The following COL6A5 variants were observed in gnomAD, a reference collection of about 807,000 sequenced individuals.
COL6A5 encodes collagen type VI alpha 5 chain, also known as collagen alpha-5(VI) chain.
COL6A5 carries 48 observed loss-of-function variants against 65.6 expected under a neutral mutation model. That is an observed-to-expected ratio of 0.73 (90% CI 0.58 to 0.93). The LOEUF is 0.93. COL6A5 is among the 40% of genes least tolerant of loss of function. The pLI is 0.00. For missense variants in COL6A5, 914 were observed against 928.3 expected (o/e 0.98, Z 0.20); for synonymous variants, 291 against 322.8 (o/e 0.90, Z 1.05).
At chr3:130,416,876 T>C in intron 24 of COL6A5, 57 bp downstream of exon 24, 1 of 888,030 alleles carries the variant, frequency 1.1e-6, no homozygotes, top group South Asian at 1.7e-5. Flanking sequence ...ATTTAATGGA[T>C]AATTAATAAT....
chr3:130,362,801 C>G (rs1339774169), intron 1 of COL6A5, among the ~76,000 whole-genome samples: 1 of 152,142 alleles, frequency 6.6e-6, no homozygotes, highest in Non-Finnish European at 1.5e-5. Flanking sequence ...CTGATAACTT[C>G]CCTGGCTCTG....
intron 28 of COL6A5, among the ~76,000 whole-genome samples, 200 bp from the exon 29 acceptor site, chr3:130,423,638 G>A (rs1937552920): frequency 1.3e-5 from 2 of 152,142 alleles, no homozygotes; most frequent in South Asian, 2.1e-4. Context: ...ATGTCACAAA[G>A]AGGCTAGGAG....
At chr3:130,433,230 A>T (rs975994481) in intron 1 of COL6A5, among the ~76,000 whole-genome samples, 1 of 152,060 alleles carries the variant, frequency 6.6e-6, no homozygotes, top group Non-Finnish European at 1.5e-5. Context: ...TGCCTCCTTA[A>T]TTTTTCTCTC....
intron 4 of COL6A5, among the ~76,000 whole-genome samples, chr3:130,383,099 T>C (rs1311292953): frequency 2.0e-5 from 3 of 152,080 alleles, no homozygotes; most frequent in African/African-American, 7.2e-5. Flanking sequence ...TATATGTATC[T>C]GTATATATGA....
At chr3:130,367,822 G>T (rs976679074) in intron 1 of COL6A5, among the ~76,000 whole-genome samples, 10 of 152,330 alleles carry the variant, frequency 6.6e-5, no homozygotes, top group African/African-American at 1.7e-4. Context: ...TCATGAGTCG[G>T]ATTTGGTCAG....
intron 5 of COL6A5, among the ~76,000 whole-genome samples, chr3:130,463,385 A>G (rs549226914): frequency 3.9e-5 from 6 of 152,194 alleles, no homozygotes; most frequent in African/African-American, 1.4e-4. Flanking sequence ...AATGCCATGA[A>G]AGGCAGCATA....
At chr3:130,376,268 T>G (rs749769145) in exon 3 of COL6A5, 1 of 1,609,744 alleles carries the variant, frequency 6.2e-7, no homozygotes, top group Non-Finnish European at 8.5e-7. Context: ...ATGTCGTGTT[T>G]CTGGTGGACA....
chr3:130,401,906 G>A, intron 12 of COL6A5, 52 bp downstream of exon 12: 1 of 1,318,806 alleles, frequency 7.6e-7, no homozygotes, highest in Non-Finnish European at 1.1e-6. Context: ...ATTTGGTACA[G>A]GTGGGACTGA....
At chr3:130,471,851 G>A (rs1404988314) in intron 7 of COL6A5, 3 of 1,521,604 alleles carry the variant, frequency 2.0e-6, no homozygotes, top group South Asian at 2.4e-5. Context: ...TGAGAAACTG[G>A]CAATGAAAGA....
intron 2 of COL6A5, 150 bp downstream of exon 2, chr3:130,373,855 T>C (rs1237646176): frequency 1.8e-5 from 11 of 609,102 alleles, no homozygotes; most frequent in Non-Finnish European, 2.9e-5. Context: ...ACTTAACTTG[T>C]GAAAGACAGC....
chr3:130,376,365 A>G lies in COL6A5; in HGVS notation c.196A>G (p.Lys66Glu), dbSNP rs1168984737. 4 of 1,613,754 alleles carry G rather than the reference A, an allele frequency of 2.5e-6. No individual in the cohort carries two copies. In the South Asian group the frequency reaches 4.4e-5, roughly 18 times the overall value. The stretch of plus-strand genomic sequence containing the variant: ...CAACAGTCTCCCCATAGAGGCCAAC[A>G]AATACCGTGTAGCCCTGGCCCAGTA... Residue 66 changes from lysine to glutamate, a missense_variant and NMD_transcript_variant, in exon 3 of 42, where the codon AAA becomes GAA. Lys to Glu is a moderately conservative substitution (Grantham distance 56). Transcript: ENST00000312481.
At chr3:130,467,798 A>T (rs1709852825) in intron 5 of COL6A5, among the ~76,000 whole-genome samples, 1 of 152,088 alleles carries the variant, frequency 6.6e-6, no homozygotes, top group Non-Finnish European at 1.5e-5. Flanking sequence ...AGTATCTAAT[A>T]AAGGGTTGAG....
intron 7 of COL6A5, among the ~76,000 whole-genome samples, chr3:130,392,387 G>A (rs931859758): frequency 7.9e-5 from 12 of 152,158 alleles, no homozygotes; most frequent in South Asian, 4.1e-4. Context: ...GGGTTGGTAG[G>A]CTGGAGACAT....
intron 7 of COL6A5, among the ~76,000 whole-genome samples, chr3:130,472,356 A>G (rs1709973278): frequency 6.6e-6 from 1 of 152,020 alleles, no homozygotes; most frequent in South Asian, 2.1e-4. Flanking sequence ...GCTGAGCCTC[A>G]GCCTCAGTGG....
exon 3 of COL6A5, chr3:130,376,408 G>C (rs1375745321): frequency 6.2e-7 from 1 of 1,613,520 alleles, no homozygotes. Context: ...GAGTTTCACA[G>C]TGAATTCCAT....
At chr3:130,451,291 G>C (rs142331153) in intron 4 of COL6A5, among the ~76,000 whole-genome samples, 1 of 152,160 alleles carries the variant, frequency 6.6e-6, no homozygotes, top group African/African-American at 2.4e-5. Flanking sequence ...TGGAGTTGGC[G>C]TAGAAGTGAC....
chr3:130,456,779 G>A (rs539198988), intron 5 of COL6A5, among the ~76,000 whole-genome samples: 1 of 152,114 alleles, frequency 6.6e-6, no homozygotes, highest in African/African-American at 2.4e-5. Context: ...AGAAAAAGGG[G>A]CCAGTTTTGT....
intron 5 of COL6A5, among the ~76,000 whole-genome samples, chr3:130,387,900 A>G (rs1232613129): frequency 2.0e-5 from 3 of 151,940 alleles, no homozygotes; most frequent in Non-Finnish European, 1.5e-5. Flanking sequence ...TATATTATAC[A>G]TAGAACAATG....
chr3:130,387,932 A>ATGTG (rs1189577456), intron 5 of COL6A5, among the ~76,000 whole-genome samples: 22 of 151,910 alleles, frequency 1.4e-4, no homozygotes, highest in African/African-American at 4.1e-4. Flanking sequence ...GTGTGTATAT[A>ATGTG]TATGTATATA....
Sources: gnomAD v4.1 joint callset for allele counts (sites outside exome capture counted in the v4.1 genomes callset) on GRCh38, gnomAD v4.1.1 for gene constraint, MANE v1.5 for transcripts, NCBI Gene and HGNC (gene_info 2026-07-23, HGNC 2026-07-21) for gene names.